The following CABIN1 variants were observed in gnomAD, a reference collection of about 807,000 sequenced individuals.
The protein encoded by CABIN1 is calcineurin-binding protein cabin-1.
CABIN1 carries 133 observed loss-of-function variants against 227.7 expected under a neutral mutation model. The observed-to-expected ratio is 0.58, with a 90% CI of 0.51 to 0.67. CABIN1 has a LOEUF of 0.67. CABIN1 is among the 30% of genes least tolerant of loss of function. The pLI is 0.00. For synonymous variants in CABIN1, 1,086 were observed against 1,155.1 expected, an observed-to-expected ratio of 0.94 and a Z score of 1.21; for missense variants, 2,408 against 2,852.5, an observed-to-expected ratio of 0.84 and a Z score of 3.55.
intron 23 of CABIN1, among the ~76,000 whole-genome samples, chr22:24,090,808 C>T (rs1425891898): frequency 6.6e-6 from 1 of 152,130 alleles, no homozygotes; most frequent in East Asian, 1.9e-4. Context: ...CAATCCAGGA[C>T]CACAGAGAGG....
At position 24,064,170 on chromosome 22, in the gene CABIN1, G is replaced by C. The variant is rs778630879; in HGVS notation, c.2020G>C (p.Val674Leu). 6.2e-7 allele frequency: 1 copy of C among 1,614,212 alleles called. No homozygotes were observed. Among genetic ancestry groups the C allele is most frequent in the Non-Finnish European group, 8.5e-7 (1 of 1,180,032 alleles). ...GCTGCCCAACCTCCATAATGACTCT[G>C]TGGTTTCCCTGGAGGAGGTAAGTGA... is the stretch of plus-strand genomic sequence containing the variant. The part of the protein sequence containing the change: ...IRLPNLHNDS[V>L]VSLEEIDKNL... The change falls in exon 15 of 37, where the codon GTG becomes CTG. Residue 674 changes from valine (V) to leucine (L), a missense_variant. Around this residue, in one of 3 missense-constraint regions of CABIN1, gnomAD observed 1,045 missense variants for 1,168.4 expected, o/e 0.89. Coordinates refer to ENST00000263119, the MANE Select transcript of CABIN1 (RefSeq NM_012295.4).
At chr22:24,089,284 A>T (rs901051977) in intron 23 of CABIN1, among the ~76,000 whole-genome samples, 3 of 152,198 alleles carry the variant, frequency 2.0e-5, no homozygotes, top group Admixed American at 2.0e-4. Context: ...GGGAGCAGGG[A>T]AGTCAGGGAG....
At chr22:24,173,790 CGCCACTGCACTCCA>C (rs1176786140) in intron 34 of CABIN1, among the ~76,000 whole-genome samples, 1 of 152,078 alleles carries the variant, frequency 6.6e-6, no homozygotes, top group African/African-American at 2.4e-5. Context: ...GCTGACATCA[CGCCACTGCACTCCA>C]GCCTGGGCGA....
intron 31 of CABIN1, among the ~76,000 whole-genome samples, chr22:24,166,384 G>T (rs941428787): frequency 1.3e-5 from 2 of 152,212 alleles, no homozygotes; most frequent in East Asian, 3.9e-4. Context: ...CCAGAGTCCC[G>T]TCAGCCCCTT....
intron 29 of CABIN1, among the ~76,000 whole-genome samples, chr22:24,147,659 G>A (rs558426743): frequency 6.4e-4 from 97 of 151,792 alleles, no homozygotes; most frequent in Non-Finnish European, 1.3e-3. Context: ...GCCCAGGATG[G>A]TGTCAAACTC....
chr22:24,161,230 G>T (rs1289526610), intron 29 of CABIN1, among the ~76,000 whole-genome samples: 1 of 152,170 alleles, frequency 6.6e-6, no homozygotes, highest in Non-Finnish European at 1.5e-5. Context: ...GAGATGCTTG[G>T]CATGGAGGGG....
intron 29 of CABIN1, among the ~76,000 whole-genome samples, chr22:24,143,455 C>T (rs775634181): frequency 6.6e-6 from 1 of 152,188 alleles, no homozygotes; most frequent in Middle Eastern, 3.2e-3. Flanking sequence ...GAGCCCCCAC[C>T]CCCTTTTGGT....
chr22:24,055,225 C>T, intron 9 of CABIN1, 66 bp downstream of exon 9: 1 of 1,564,548 alleles, frequency 6.4e-7, no homozygotes, highest in South Asian at 1.1e-5. Flanking sequence ...AGGAATGAGA[C>T]TGCTGGGGAG....
chr22:24,116,085 C>T (rs2043068018), intron 27 of CABIN1, among the ~76,000 whole-genome samples: 1 of 152,182 alleles, frequency 6.6e-6, no homozygotes, highest in Non-Finnish European at 1.5e-5. Context: ...CAGAAGCTGT[C>T]TTTCTCCACT....
intron 29 of CABIN1, among the ~76,000 whole-genome samples, chr22:24,141,273 C>T (rs1486394778): frequency 6.6e-6 from 1 of 152,238 alleles, no homozygotes; most frequent in Non-Finnish European, 1.5e-5. Context: ...AGGTCTCTTT[C>T]TGTGAGGCCT....
intron 1 of CABIN1, among the ~76,000 whole-genome samples, chr22:24,031,484 T>C (rs1291290528): frequency 6.6e-6 from 1 of 152,156 alleles, no homozygotes; most frequent in Non-Finnish European, 1.5e-5. Flanking sequence ...CCAAATCCAG[T>C]GTCCTTTCCA....
chr22:24,112,657 T>C (rs2042873191), intron 26 of CABIN1, among the ~76,000 whole-genome samples: 3 of 152,148 alleles, frequency 2.0e-5, no homozygotes, highest in Admixed American at 2.0e-4. Context: ...TGTTCCTGCA[T>C]CTCAGGGGTG....
intron 19 of CABIN1, among the ~76,000 whole-genome samples, chr22:24,079,415 C>T (rs986505678): frequency 6.7e-6 from 1 of 149,396 alleles, no homozygotes; most frequent in Admixed American, 6.6e-5. Flanking sequence ...TGTGTAGATT[C>T]CTGTAAAAGG....
At chr22:24,156,831 T>G (rs994867798) in intron 29 of CABIN1, among the ~76,000 whole-genome samples, 11 of 152,044 alleles carry the variant, frequency 7.2e-5, no homozygotes, top group Non-Finnish European at 1.6e-4. Context: ...TGCACTTGGT[T>G]GTTTGTCGTT....
intron 28 of CABIN1, among the ~76,000 whole-genome samples, chr22:24,133,802 C>T (rs1307474372): frequency 2.0e-5 from 3 of 152,220 alleles, no homozygotes; most frequent in Admixed American, 6.5e-5. Flanking sequence ...ACACCATTCT[C>T]CCCTGGGCCT....
chr22:24,156,640 A>T (rs1237961251), intron 29 of CABIN1: 1 of 152,338 alleles, frequency 6.6e-6, no homozygotes, highest in Non-Finnish European at 1.5e-5. Context: ...AGCTATAAAT[A>T]GGTGCTGTGC....
chr22:24,104,009 G>A (rs1318359422), intron 26 of CABIN1, among the ~76,000 whole-genome samples: 1 of 152,178 alleles, frequency 6.6e-6, no homozygotes, highest in Non-Finnish European at 1.5e-5. Flanking sequence ...TAGACATGGA[G>A]CTTGGAGAGT....
chr22:24,175,101 C>T (rs1333246913), intron 34 of CABIN1, among the ~76,000 whole-genome samples: 1 of 152,206 alleles, frequency 6.6e-6, no homozygotes, highest in African/African-American at 2.4e-5. Context: ...GAGAGTTGAT[C>T]CTTTTCTATT....
chr22:24,066,084 T>C (rs906218815), intron 15 of CABIN1, among the ~76,000 whole-genome samples: 1 of 152,206 alleles, frequency 6.6e-6, no homozygotes, highest in African/African-American at 2.4e-5. Context: ...ATGGTATTTT[T>C]TAGTCAAAGG....
Sources: gnomAD v4.1 joint callset for allele counts (sites outside exome capture counted in the v4.1 genomes callset) on GRCh38, gnomAD v4.1.1 for gene constraint, gnomAD v4.1.1 regional missense constraint, MANE v1.5 for transcripts, NCBI Gene and HGNC (gene_info 2026-07-23, HGNC 2026-07-21) for gene names.